AKT3: variants seen among roughly 807,000 people sequenced by gnomAD.
AKT3 encodes RAC-gamma serine/threonine-protein kinase.
Under a neutral mutation model 65.3 loss-of-function variants are expected in AKT3, and 15 were observed. The ratio of observed to expected loss-of-function variants is 0.23; its 90% CI spans 0.15 to 0.35. The LOEUF (loss-of-function observed/expected upper bound fraction) is 0.35. Ranked by LOEUF, AKT3 falls within the 10% of genes least tolerant of loss-of-function variation. The probability of loss-of-function intolerance (pLI) is 1.00; values close to 1 mark genes in which losing one functional copy is unlikely to be tolerated. For missense variants in AKT3, 243 were observed against 576.5 expected (o/e 0.42, Z 5.92); for synonymous variants, 206 against 183.8 (o/e 1.12, Z -0.98).
At chr1:243,514,432 G>A (rs555177473) in intron 12 of AKT3, among the ~76,000 whole-genome samples, 11 of 152,220 alleles carry the variant, frequency 7.2e-5, no homozygotes, top group African/African-American at 1.2e-4. Flanking sequence ...TTTCCTGACC[G>A]CCTTCTTACA....
At chr1:243,830,489 G>A (rs936198436) in intron 2 of AKT3, among the ~76,000 whole-genome samples, 1 of 152,082 alleles carries the variant, frequency 6.6e-6, no homozygotes, top group Non-Finnish European at 1.5e-5. Context: ...GGGAAGACAG[G>A]ATAGCAATCT....
chr1:243,545,031 G>A (rs1300494229), intron 12 of AKT3, among the ~76,000 whole-genome samples: 2 of 152,000 alleles, frequency 1.3e-5, no homozygotes, highest in South Asian at 2.1e-4. Context: ...ATAAAGTTCT[G>A]TTTCAAATGA....
intron 10 of AKT3, among the ~76,000 whole-genome samples, chr1:243,558,265 A>G (rs1673540445): frequency 2.6e-5 from 4 of 152,068 alleles, no homozygotes; most frequent in Admixed American, 2.6e-4. Flanking sequence ...AAGTTAATAT[A>G]TATCTTTGGT....
rs543667671 is a variant in AKT3 at position 243,516,680 on chromosome 1, A to G, written c.1252-4254T>C. 4.7e-5 allele frequency among the ~76,000 whole-genome samples: 7 copies of G among 150,316 alleles called. 1 individual carries two copies. Among genetic ancestry groups the G allele is most frequent in the Admixed American group, 2.0e-4 (3 of 15,206 alleles). On this transcript the variant is annotated intron_variant, in intron 12 of 13. Transcript: ENST00000673466. ...GCAATCCTCCTGCCTCAGCCTCCTG[A>G]AGCAATCCTCCTGCCTCAGCCTCCT... is the stretch of plus-strand genomic sequence containing the variant.
At chr1:243,637,127 A>G (rs952679366) in intron 6 of AKT3, among the ~76,000 whole-genome samples, 1 of 152,092 alleles carries the variant, frequency 6.6e-6, no homozygotes, top group African/African-American at 2.4e-5. Context: ...AAGCTGAATA[A>G]AGGTATGGGG....
chr1:243,809,334 A>G (rs1300559944), intron 2 of AKT3, among the ~76,000 whole-genome samples: 1 of 152,212 alleles, frequency 6.6e-6, no homozygotes, highest in Non-Finnish European at 1.5e-5. Flanking sequence ...GGGATGGAGG[A>G]AGATCTACCA....
chr1:243,630,380 A>C (rs1679519611), intron 6 of AKT3, among the ~76,000 whole-genome samples: 1 of 152,174 alleles, frequency 6.6e-6, no homozygotes, highest in Non-Finnish European at 1.5e-5. Flanking sequence ...AAATCTGTGG[A>C]CCTCTCACAC....
intron 2 of AKT3, among the ~76,000 whole-genome samples, chr1:243,826,928 G>C (rs1403826211): frequency 6.6e-6 from 1 of 151,872 alleles, no homozygotes; most frequent in Admixed American, 6.6e-5. Flanking sequence ...TTAAACCCGG[G>C]ACAAATTAAA....
chr1:243,610,370 C>T (rs1049259467), intron 8 of AKT3, among the ~76,000 whole-genome samples: 2 of 152,092 alleles, frequency 1.3e-5, no homozygotes, highest in East Asian at 1.9e-4. Flanking sequence ...AGGGTTATAC[C>T]GTGAACAAGC....
At chr1:243,581,855 T>C (rs1368260549) in intron 8 of AKT3, among the ~76,000 whole-genome samples, 1 of 151,630 alleles carries the variant, frequency 6.6e-6, no homozygotes, top group Non-Finnish European at 1.5e-5. Flanking sequence ...TCTAAAGTAA[T>C]CCAGGAAATG....
intron 2 of AKT3, among the ~76,000 whole-genome samples, chr1:243,822,474 A>G (rs572385181): frequency 1.6e-4 from 25 of 151,714 alleles, no homozygotes; most frequent in East Asian, 1.2e-3. Context: ...CTTCAAAAAA[A>G]AAAAAACTAA....
At chr1:243,826,718 A>T (rs1694190356) in intron 2 of AKT3, among the ~76,000 whole-genome samples, 1 of 152,076 alleles carries the variant, frequency 6.6e-6, no homozygotes, top group African/African-American at 2.4e-5. Context: ...ATAACCGCCC[A>T]CCTATACCCT....
At chr1:243,510,447 G>GA (rs1316807728) in intron 13 of AKT3, among the ~76,000 whole-genome samples, 1 of 152,222 alleles carries the variant, frequency 6.6e-6, no homozygotes, top group Non-Finnish European at 1.5e-5. Flanking sequence ...CCAATGCAGA[G>GA]AATGAAGAGA....
intron 10 of AKT3, among the ~76,000 whole-genome samples, chr1:243,559,791 A>C (rs1334650289): frequency 6.6e-6 from 1 of 152,152 alleles, no homozygotes; most frequent in Non-Finnish European, 1.5e-5. Context: ...CATTCACAAG[A>C]GAAGCAGTAG....
intron 12 of AKT3, among the ~76,000 whole-genome samples, chr1:243,517,569 C>A (rs1250421620): frequency 6.6e-6 from 1 of 152,192 alleles, no homozygotes; most frequent in Non-Finnish European, 1.5e-5. Context: ...TTATCTCCAG[C>A]AATATTACTT....
At chr1:243,631,823 T>C (rs1412419169) in intron 6 of AKT3, among the ~76,000 whole-genome samples, 1 of 152,240 alleles carries the variant, frequency 6.6e-6, no homozygotes, top group East Asian at 1.9e-4. Context: ...GTAGATCCTA[T>C]CTCAAGAAAC....
intron 13 of AKT3, among the ~76,000 whole-genome samples, chr1:243,489,649 G>A (rs1443925385): frequency 6.6e-6 from 1 of 152,210 alleles, no homozygotes; most frequent in Non-Finnish European, 1.5e-5. Flanking sequence ...GCACCCGGCA[G>A]TGTTACACAC....
At chr1:243,741,311 C>A (rs1006486537) in intron 2 of AKT3, among the ~76,000 whole-genome samples, 2 of 152,182 alleles carry the variant, frequency 1.3e-5, no homozygotes, top group African/African-American at 4.8e-5. Context: ...AAAAGTGACA[C>A]TGAATCACCC....
intron 3 of AKT3, among the ~76,000 whole-genome samples, chr1:243,684,398 A>C (rs1422132272): frequency 6.6e-6 from 1 of 152,064 alleles, no homozygotes; most frequent in South Asian, 2.1e-4. Context: ...ATGAATGAGA[A>C]CATGCGGTGT....
Sources: allele counts gnomAD v4.1 joint callset (sites outside exome capture counted in the v4.1 genomes callset), GRCh38; gene constraint gnomAD v4.1.1; transcripts MANE v1.5; gene names NCBI Gene and HGNC (gene_info 2026-07-23, HGNC 2026-07-21).